HPS4: variants seen among roughly 807,000 people sequenced by gnomAD.
HPS4 encodes the protein BLOC-3 complex member HPS4.
Under a neutral mutation model 70.3 loss-of-function variants are expected in HPS4, and 44 were observed. That is an observed-to-expected ratio of 0.63 (90% CI 0.49 to 0.80). HPS4 has a LOEUF of 0.80. Among genes scored for constraint, HPS4 ranks in the 30% least tolerant of loss-of-function variants. The pLI is 0.00. For synonymous variants in HPS4, 377 were observed against 355.9 expected (o/e 1.06, Z -0.67); for missense variants, 873 against 884.4 (o/e 0.99, Z 0.16).
chr22:26,481,502 G>A (rs1331993232), intron 2 of HPS4, among the ~76,000 whole-genome samples: 2 of 152,204 alleles, frequency 1.3e-5, no homozygotes, highest in East Asian at 1.9e-4. Context: ...TCCCAGCAAT[G>A]CCAGACTCAT....
intron 6 of HPS4, 112 bp downstream of exon 6, chr22:26,472,190 G>A: frequency 1.3e-6 from 1 of 796,010 alleles, no homozygotes; most frequent in South Asian, 1.4e-5. Flanking sequence ...CCCTGCCTGA[G>A]AAGTGACATT....
intron 4 of HPS4, 38 bp downstream of exon 4, chr22:26,476,955 T>C (rs748901277): frequency 1.2e-6 from 2 of 1,608,948 alleles, no homozygotes; most frequent in South Asian, 1.1e-5. Flanking sequence ...AAACTTATCA[T>C]TGCAACACTT....
intron 4 of HPS4, among the ~76,000 whole-genome samples, chr22:26,474,830 C>T (rs535789956): frequency 6.6e-6 from 1 of 152,248 alleles, no homozygotes; most frequent in African/African-American, 2.4e-5. Context: ...ATGAAAAGGC[C>T]TCACTATCAT....
chr22:26,455,449 G>A (rs1195642233), intron 13 of HPS4, among the ~76,000 whole-genome samples: 2 of 150,390 alleles, frequency 1.3e-5, no homozygotes, highest in Non-Finnish European at 3.0e-5. Context: ...GGATGAAACT[G>A]GAAACCATCA....
At chr22:26,475,757 G>A (rs1362133827) in intron 4 of HPS4, 1 of 152,084 alleles carries the variant, frequency 6.6e-6, no homozygotes, top group Non-Finnish European at 1.5e-5. Context: ...AAAATAATTT[G>A]GGGCTGGGTT....
rs2091323361 is a variant in HPS4, at chr22:26,481,914, A to C, written c.-152T>G. ...TTTCAGTCACAACTGCCACTTGGTT[A>C]GTTTTCACTCAGCATGGAAAGTTCC... On this transcript the variant is annotated 5_prime_UTR_variant, in exon 2 of 14. It removes the in-frame stop codon of an upstream open reading frame in the 5' UTR. Transcript: ENST00000398145. The C allele has an allele frequency of 1.3e-6, 1 of 748,428 alleles. No individual in the cohort carries two copies. Among genetic ancestry groups the C allele is most frequent in the African/African-American group, 1.7e-5 (1 of 58,334 alleles). 46.4% of individuals were successfully genotyped at this position (748,428 alleles called of 1,614,324 possible).
intron 7 of HPS4, among the ~76,000 whole-genome samples, chr22:26,470,471 C>A (rs1237131120): frequency 2.0e-5 from 3 of 152,242 alleles, no homozygotes; most frequent in Non-Finnish European, 4.4e-5. Flanking sequence ...ATGCCCCATA[C>A]TGAGAATTAT....
At chr22:26,445,719 C>A (rs2084931353) in intron 3 of HPS4, among the ~76,000 whole-genome samples, 1 of 152,146 alleles carries the variant, frequency 6.6e-6, no homozygotes, top group Non-Finnish European at 1.5e-5. Flanking sequence ...TCTGCCACAG[C>A]TGAGTAGAGA....
Position 26,464,714 on chromosome 22 carries a change from A to C in HPS4, c.916T>G (p.Trp306Gly). ...GGGGATGTGGGATCTGGGGTGGTCC[A>C]GGCCATGGATTCCACATGGCCAGTG... is the stretch of plus-strand genomic sequence containing the variant. ...NATGHVESMA[W>G]TTPDPTSPDE... Residue 306 changes from tryptophan to glycine, a missense_variant, in exon 11 of 14, where the codon TGG (tryptophan) becomes GGG (glycine). Trp to Gly is a radical substitution (Grantham distance 184). Transcript: ENST00000398145. 1.9e-6 allele frequency: 3 copies of C among 1,603,564 alleles called. No homozygotes were observed. The highest frequency in any genetic ancestry group is 2.6e-6 in the Non-Finnish European group (3 of 1,173,248).
intron 6 of HPS4, 23 bp from the exon 7 acceptor site, chr22:26,470,836 T>C: frequency 6.2e-7 from 1 of 1,613,938 alleles, no homozygotes; most frequent in Non-Finnish European, 8.5e-7. Context: ...AGAGGCATCA[T>C]GCCCACCCAT....
At chr22:26,450,035 G>A (rs1193788775), downstream of HPS4, among the ~76,000 whole-genome samples, 1 of 152,082 alleles carries the variant, frequency 6.6e-6, no homozygotes, top group Non-Finnish European at 1.5e-5. Context: ...ATCTTCACGT[G>A]GCCTTCTCCA....
chr22:26,474,011 T>G (rs1476647380), intron 4 of HPS4, among the ~76,000 whole-genome samples: 1 of 152,228 alleles, frequency 6.6e-6, no homozygotes, highest in African/African-American at 2.4e-5. Context: ...AGTGTTCAAT[T>G]CTTCCAATTG....
At position 26,453,009 on chromosome 22, in the gene HPS4, TAC is replaced by T; in HGVS notation, c.*222_*223del. ...CCCGGCCCCAACACTACCGATTAAATACAGTTCTTTATCAAGTGCTCTGGGTC... is the reference window on the plus strand; with the variant it reads ...CCCGGCCCCAACACTACCGATTAAATAGTTCTTTATCAAGTGCTCTGGGTC... On this transcript the variant is annotated 3_prime_UTR_variant, in exon 14 of 14. Transcript: ENST00000398145. 1.8e-6 allele frequency: 1 copy of T among 563,844 alleles called. No individual in the cohort carries two copies. Among genetic ancestry groups the T allele is most frequent in the Non-Finnish European group, 3.2e-6 (1 of 316,664 alleles). 34.9% of individuals were successfully genotyped at this position (563,844 alleles called of 1,614,324 possible).
chr22:26,463,442 G>A (rs1045312043), intron 11 of HPS4, among the ~76,000 whole-genome samples: 1 of 152,172 alleles, frequency 6.6e-6, no homozygotes, highest in African/African-American at 2.4e-5. Flanking sequence ...GAGCAGGGGC[G>A]GCACAACACA....
chr22:26,453,310 T>C lies in HPS4; in HGVS notation c.2050A>G (p.Asn684Asp). The C allele has an allele frequency of 6.2e-7, 1 of 1,614,144 alleles. No individual in the cohort carries two copies. Among genetic ancestry groups the C allele is most frequent in the Non-Finnish European group, 8.5e-7 (1 of 1,180,026 alleles). ...AGGCTGAAGGCGCCATCCTGAGGGT[T>C]TGGGAAGCCGGAGCTCCGTGCTGCA... Reference protein sequence around the residue: ...APAARSSGFPNPQDGAFSLSG... With the variant: ...APAARSSGFPDPQDGAFSLSG... Residue 684 changes from asparagine (N) to aspartate (D), a missense_variant, in exon 14 of 14, where the codon AAC becomes GAC. Asn to Asp is a conservative substitution (Grantham distance 23). Transcript: ENST00000398145.
chr22:26,458,352 C>G, intron 12 of HPS4, 93 bp downstream of exon 12: 1 of 1,485,390 alleles, frequency 6.7e-7, no homozygotes. Context: ...CTGTGCACAG[C>G]CGTGTCATCA....
intron 6 of HPS4, 79 bp from the exon 7 acceptor site, chr22:26,470,892 C>G (rs2089692393): frequency 1.3e-6 from 2 of 1,586,044 alleles, no homozygotes; most frequent in African/African-American, 2.7e-5. Flanking sequence ...AAGGGTTGTA[C>G]AGAACAGCTG....
downstream of HPS4, among the ~76,000 whole-genome samples, chr22:26,447,842 T>C (rs1189146584): frequency 6.6e-6 from 1 of 152,204 alleles, no homozygotes; most frequent in Admixed American, 6.5e-5. Flanking sequence ...TTCTAACTTC[T>C]GGGTACCTGC....
Position 26,452,682 on chromosome 22 carries a change from C to T in HPS4, c.*551G>A, listed in dbSNP as rs2085403658. On this transcript the variant is annotated 3_prime_UTR_variant, in exon 14 of 14. Coordinates refer to ENST00000398145, the MANE Select transcript of HPS4 (RefSeq NM_022081.6). Reference sequence around the variant, plus strand: ...CAACAGAATTCAACCAAGTGGTCTCCGTGTGCTGCCGCTTCCCTGCAGGAA... The same window carrying T: ...CAACAGAATTCAACCAAGTGGTCTCTGTGTGCTGCCGCTTCCCTGCAGGAA... 2 of 244,520 alleles carry T rather than the reference C, an allele frequency of 8.2e-6. No homozygotes were observed. The highest frequency in any genetic ancestry group is 4.9e-5 in the South Asian group (1 of 20,498). The allele number at this position is 244,520 out of a possible 1,614,324, so 15.1% of individuals were successfully genotyped here.
Sources: gnomAD v4.1 joint callset for allele counts (sites outside exome capture counted in the v4.1 genomes callset) on GRCh38, gnomAD v4.1.1 for gene constraint, MANE v1.5 for transcripts, NCBI Gene and HGNC (gene_info 2026-07-23, HGNC 2026-07-21) for gene names.